FAM135B: variants seen among roughly 807,000 people sequenced by gnomAD.
FAM135B encodes the protein family with sequence similarity 135 member B, also known as protein FAM135B.
Under a neutral mutation model 127.7 loss-of-function variants are expected in FAM135B, and 43 were observed. The observed-to-expected ratio is 0.34, with a 90% CI of 0.26 to 0.43. FAM135B has a LOEUF of 0.43. Among genes scored for constraint, FAM135B ranks in the 20% least tolerant of loss-of-function variants. FAM135B has a pLI of 1.00. For synonymous variants in FAM135B, 670 were observed against 665.1 expected (o/e 1.01, Z -0.11); for missense variants, 1,558 against 1,725.6 (o/e 0.90, Z 1.72).
chr8:138,431,197 C>G (rs1835170913), intron 1 of FAM135B, among the ~76,000 whole-genome samples: 1 of 152,172 alleles, frequency 6.6e-6, no homozygotes, highest in South Asian at 2.1e-4. Flanking sequence ...CACACATTCA[C>G]TAACTCACTC....
chr8:138,193,778 C>A (rs1029609747), intron 9 of FAM135B, among the ~76,000 whole-genome samples: 1 of 152,150 alleles, frequency 6.6e-6, no homozygotes. Context: ...AGCTCTCTAG[C>A]GGTCCCCTCA....
chr8:138,339,126 GC>G (rs1828845880), intron 2 of FAM135B, among the ~76,000 whole-genome samples: 1 of 132,214 alleles, frequency 7.6e-6, no homozygotes, highest in Admixed American at 7.7e-5. Context: ...GGGGGAGGGG[GC>G]AGGGATAGCA....
intron 2 of FAM135B, among the ~76,000 whole-genome samples, chr8:138,360,272 T>C (rs1567685): frequency 0.99 from 151,538 of 152,342 alleles, 75,374 homozygotes; most frequent in East Asian, 1. Flanking sequence ...TTCATGCTCT[T>C]GTAAATAGAT....
intron 7 of FAM135B, among the ~76,000 whole-genome samples, chr8:138,240,389 C>T (rs1441261683): frequency 6.6e-6 from 1 of 152,208 alleles, no homozygotes; most frequent in African/African-American, 2.4e-5. Context: ...ACGTTCTGAG[C>T]TGGGCACACA....
rs776201960 is a variant in FAM135B at position 138,280,947 on chromosome 8, TG to T, written c.158-15106del. On this transcript the variant is annotated intron_variant, in intron 3 of 19. Transcript: ENST00000395297. ...CCAGCACAGAAGCACAGAGGTTGCA[TG>T]TTATGATAATGAGGCTACAGCTCCT... Among the ~76,000 whole-genome samples, 8 of 152,110 alleles carry T rather than the reference TG, an allele frequency of 5.3e-5. No individual in the cohort carries two copies. In the South Asian group the frequency reaches 1.0e-3, roughly 20 times the overall value.
Position 138,132,596 on chromosome 8 carries a change from C to T in FAM135B, c.4218G>A (p.Lys1406=), listed in dbSNP as rs2130480638. Residue 1406 remains lysine, a synonymous_variant, in exon 20 of 20, where the codon AAG becomes AAA. Transcript: ENST00000395297. The surrounding 1 kb of genome is among the most constrained non-coding windows in gnomAD (Gnocchi z 4.5). ...AAGACCTGCTCCCTCAAAGCCACTA[C>T]TTGAAGTAGTTGAGTCCTGCCACCA... The part of the protein sequence containing the change: ...FFLVAGLNYF[K] 1.2e-6 allele frequency: 2 copies of T among 1,613,814 alleles called. No individual in the cohort carries two copies. Among genetic ancestry groups the T allele is most frequent in the South Asian group, 2.2e-5 (2 of 91,064 alleles).
At chr8:138,430,054 A>T (rs536666272) in intron 1 of FAM135B, among the ~76,000 whole-genome samples, 2 of 152,298 alleles carry the variant, frequency 1.3e-5, no homozygotes, top group South Asian at 2.1e-4. Context: ...CCAACGCAGC[A>T]CTTTCTAGAG....
At chr8:138,339,004 G>A (rs575216713) in intron 2 of FAM135B, among the ~76,000 whole-genome samples, 3 of 150,108 alleles carry the variant, frequency 2.0e-5, no homozygotes, top group South Asian at 2.1e-4. Context: ...GCAAACTATC[G>A]CAAGGACAAA....
intron 1 of FAM135B, among the ~76,000 whole-genome samples, chr8:138,431,508 C>A (rs1587438306): frequency 6.6e-6 from 1 of 152,346 alleles, no homozygotes; most frequent in East Asian, 1.9e-4. Flanking sequence ...TATTGGAACA[C>A]AACCACACCC....
chr8:138,192,891 C>T (rs1249275752), intron 9 of FAM135B, among the ~76,000 whole-genome samples: 1 of 152,150 alleles, frequency 6.6e-6, no homozygotes, highest in Non-Finnish European at 1.5e-5. Context: ...GTGGTTGTAT[C>T]GGTGAAAACA....
intron 12 of FAM135B, among the ~76,000 whole-genome samples, chr8:138,163,827 G>GT (rs1207845568): frequency 3.9e-5 from 6 of 152,036 alleles, no homozygotes; most frequent in Admixed American, 3.3e-4. Flanking sequence ...TTTGTTAGTT[G>GT]TTTTTTCCTT....
Position 138,308,142 on chromosome 8 carries a change from C to G in FAM135B, c.157+2699G>C. On this transcript the variant is annotated intron_variant, in intron 3 of 19. Transcript: ENST00000395297. ...TCTAGCCCTTAAGTGGCCTGGAATC[C>G]TCTTCATTTTCTCTCTGAGGAACTC... Among the ~76,000 whole-genome samples, 4 of 152,218 alleles carry G rather than the reference C, an allele frequency of 2.6e-5. 1 individual carries two copies. The highest frequency in any genetic ancestry group is 6.8e-3 in the Middle Eastern group (2 of 294).
chr8:138,416,837 G>T (rs768686392), intron 1 of FAM135B, among the ~76,000 whole-genome samples: 1 of 152,224 alleles, frequency 6.6e-6, no homozygotes, highest in East Asian at 1.9e-4. Flanking sequence ...GCTAAAAGGG[G>T]AGGAAGGTAG....
chr8:138,154,128 T>C (rs1454399681), intron 12 of FAM135B, among the ~76,000 whole-genome samples: 2 of 152,146 alleles, frequency 1.3e-5, no homozygotes, highest in Non-Finnish European at 2.9e-5. Context: ...TGCTGTTCTG[T>C]AATATTTGCT....
intron 1 of FAM135B, among the ~76,000 whole-genome samples, chr8:138,405,242 T>C (rs565740310): frequency 1.8e-4 from 27 of 152,038 alleles, no homozygotes; most frequent in African/African-American, 6.3e-4. Flanking sequence ...TATTATACTT[T>C]AAGTTTTAGG....
At position 138,152,772 on chromosome 8, in the gene FAM135B, G is replaced by T. The variant is rs1818294096; in HGVS notation, c.1703C>A (p.Pro568His). The T allele has an allele frequency of 1.2e-6, 2 of 1,614,202 alleles. No individual in the cohort carries two copies. Among genetic ancestry groups the T allele is most frequent in the Non-Finnish European group, 8.5e-7 (1 of 1,180,038 alleles). ...ATGCTGAGCATTGAAGGCCACCAGG[G>T]GTTCAGCTCTGGAGGGGTTCTTATT... ...SSNKNPSRAE[P>H]LVAFNAQHES... Residue 568 changes from proline (P) to histidine (H), a missense_variant, in exon 13 of 20, where the codon CCC becomes CAC. By Grantham distance (77) the Pro-to-His change is moderately conservative. Around this residue, in one of 5 missense-constraint regions of FAM135B, gnomAD observed 923 missense variants for 865.3 expected, o/e 1.07. Coordinates refer to ENST00000395297, the MANE Select transcript of FAM135B (RefSeq NM_015912.4).
At chr8:138,218,764 CACAGAGAG>C (rs1456973083) in intron 7 of FAM135B, among the ~76,000 whole-genome samples, 8 of 67,484 alleles carry the variant, frequency 1.2e-4, no homozygotes, top group East Asian at 4.0e-4. Context: ...CACACACACA[CACAGAGAG>C]AGAGAGAGAG....
At chr8:138,191,123 A>G (rs1816082155) in intron 9 of FAM135B, among the ~76,000 whole-genome samples, 2 of 152,210 alleles carry the variant, frequency 1.3e-5, no homozygotes, top group Non-Finnish European at 2.9e-5. Context: ...GGCCCATGGA[A>G]TAGGAGAACA....
At chr8:138,222,573 G>T (rs1228924906) in intron 7 of FAM135B, among the ~76,000 whole-genome samples, 2 of 151,910 alleles carry the variant, frequency 1.3e-5, no homozygotes, top group Non-Finnish European at 2.9e-5. Flanking sequence ...CCAGGCTGAA[G>T]AGGTTCAGTA....
Sources: allele counts gnomAD v4.1 joint callset (sites outside exome capture counted in the v4.1 genomes callset), GRCh38; gene constraint gnomAD v4.1.1; regional missense constraint gnomAD v4.1.1; non-coding constraint Gnocchi (gnomAD v3.1); transcripts MANE v1.5; gene names NCBI Gene and HGNC (gene_info 2026-07-23, HGNC 2026-07-21).